Variants in FBXO31 observed in about 807,000 individuals in gnomAD.
FBXO31 encodes the protein F-box protein 31.
Under a neutral mutation model 54.4 loss-of-function variants are expected in FBXO31, and 24 were observed. That is an observed-to-expected ratio of 0.44 (90% CI 0.32 to 0.62). The LOEUF is 0.62. Ranked by LOEUF, FBXO31 falls within the 20% of genes least tolerant of loss-of-function variation. FBXO31 has a pLI of 0.05. For missense variants in FBXO31, 665 were observed against 787.1 expected (o/e 0.84, Z 1.86); for synonymous variants, 388 against 335.6 (o/e 1.16, Z -1.71).
At chr16:87,342,262 C>G (rs910107090) in intron 5 of FBXO31, among the ~76,000 whole-genome samples, 1 of 152,046 alleles carries the variant, frequency 6.6e-6, no homozygotes, top group African/African-American at 2.4e-5. Context: ...ACTATGTTGC[C>G]CAGGCTGGTT....
chr16:87,371,257 C>T (rs1365512325), intron 1 of FBXO31, among the ~76,000 whole-genome samples: 2 of 152,252 alleles, frequency 1.3e-5, no homozygotes, highest in Non-Finnish European at 2.9e-5. Context: ...TGACAGTAGC[C>T]ATGTGGACAG....
intron 8 of FBXO31, among the ~76,000 whole-genome samples, chr16:87,333,138 G>A (rs1307986958): frequency 3.3e-5 from 5 of 152,240 alleles, no homozygotes; most frequent in Non-Finnish European, 7.3e-5. Flanking sequence ...CAGCCTGAAC[G>A]GCAAGGGGCC....
At chr16:87,350,094 G>A (rs1360888828) in intron 2 of FBXO31, among the ~76,000 whole-genome samples, 1 of 152,092 alleles carries the variant, frequency 6.6e-6, no homozygotes, top group Non-Finnish European at 1.5e-5. Context: ...GAGTGAGCAT[G>A]TGTGACTGGA....
chr16:87,385,071 G>A (rs1436454984), upstream of FBXO31, among the ~76,000 whole-genome samples: 3 of 152,116 alleles, frequency 2.0e-5, no homozygotes, highest in Admixed American at 6.5e-5. Flanking sequence ...TGTAATTCTA[G>A]CACTTTGGGA....
chr16:87,364,201 ACTCCAC>A (rs1906256422), intron 1 of FBXO31, among the ~76,000 whole-genome samples: 1 of 152,054 alleles, frequency 6.6e-6, no homozygotes, highest in African/African-American at 2.4e-5. Flanking sequence ...GGCAACAGGG[ACTCCAC>A]CAGGCCATGG....
chr16:87,392,105 C>T (rs996149651), upstream of FBXO31: 13 of 267,532 alleles, frequency 4.9e-5, no homozygotes, highest in African/African-American at 2.9e-4. Flanking sequence ...AGGCGCCCAG[C>T]GGTGCTGGGC....
intron 1 of FBXO31, among the ~76,000 whole-genome samples, chr16:87,365,596 C>T (rs971957759): frequency 1.3e-5 from 2 of 152,204 alleles, no homozygotes; most frequent in African/African-American, 2.4e-5. Flanking sequence ...GAGCCCTGCA[C>T]GGGCTGTGAA....
At chr16:87,366,936 G>T (rs1227459038) in intron 1 of FBXO31, among the ~76,000 whole-genome samples, 1 of 152,202 alleles carries the variant, frequency 6.6e-6, no homozygotes, top group African/African-American at 2.4e-5. Flanking sequence ...CCAGCACTTT[G>T]GGAGGCCAAG....
intron 1 of FBXO31, among the ~76,000 whole-genome samples, chr16:87,389,377 C>T (rs1907436818): frequency 1.3e-5 from 2 of 152,138 alleles, no homozygotes; most frequent in African/African-American, 4.8e-5. Flanking sequence ...TAACCCTGGC[C>T]CATTACTACA....
At chr16:87,369,599 G>A (rs1202836457) in intron 1 of FBXO31, among the ~76,000 whole-genome samples, 3 of 152,262 alleles carry the variant, frequency 2.0e-5, no homozygotes, top group Admixed American at 6.5e-5. Flanking sequence ...GGATGGCTCC[G>A]CCTTTTGGCT....
intron 5 of FBXO31, among the ~76,000 whole-genome samples, chr16:87,342,185 C>T (rs1022623572): frequency 1.3e-5 from 2 of 152,164 alleles, no homozygotes; most frequent in African/African-American, 2.4e-5. Context: ...CTCACCTCAG[C>T]CTCCTGAGTA....
chr16:87,357,049 C>G (rs1304187428), intron 2 of FBXO31, among the ~76,000 whole-genome samples: 1 of 152,074 alleles, frequency 6.6e-6, no homozygotes, highest in Non-Finnish European at 1.5e-5. Context: ...AGTACAAGAC[C>G]AGCCTGGGCA....
At chr16:87,355,338 C>G (rs902667481) in intron 2 of FBXO31, among the ~76,000 whole-genome samples, 1 of 152,192 alleles carries the variant, frequency 6.6e-6, no homozygotes, top group Non-Finnish European at 1.5e-5. Flanking sequence ...CAGACTTTTC[C>G]GAAAGGTTTG....
At chr16:87,339,309 TG>T (rs1905122101) in intron 5 of FBXO31, among the ~76,000 whole-genome samples, 1 of 152,226 alleles carries the variant, frequency 6.6e-6, no homozygotes, top group Admixed American at 6.5e-5. Context: ...GCTCTCCTGG[TG>T]ACCTACCTGC....
At chr16:87,360,184 T>C (rs2150685776) in intron 2 of FBXO31, 111 bp downstream of exon 2, 1 of 981,428 alleles carries the variant, frequency 1.0e-6, no homozygotes, top group East Asian at 2.4e-5. Context: ...TAAGATGGTG[T>C]CTGAGAAAAC....
At chr16:87,373,705 T>C (rs1345441308) in intron 1 of FBXO31, among the ~76,000 whole-genome samples, 1 of 152,014 alleles carries the variant, frequency 6.6e-6, no homozygotes, top group African/African-American at 2.4e-5. Context: ...AAAGCCAAGT[T>C]TTAAACCACT....
At position 87,335,499 on chromosome 16, in the gene FBXO31, C is replaced by G; in HGVS notation, c.843-42G>C. 6.3e-7 allele frequency: 1 copy of G among 1,578,404 alleles called. No homozygotes were observed. Among genetic ancestry groups the G allele is most frequent in the Non-Finnish European group, 8.6e-7 (1 of 1,161,596 alleles). On this transcript the variant is annotated intron_variant, in intron 6 of 8. Transcript: ENST00000311635. This position sits in a 1 kb window ranked among gnomAD's most constrained non-coding sequence, Gnocchi z 5.7. ...GGTCAGTACAGGAGACCTCGTGGGG[C>G]AGGCAGGACTGAGAACGCCCAAGGT...
At chr16:87,350,786 T>C (rs1344072765) in intron 2 of FBXO31, among the ~76,000 whole-genome samples, 1 of 151,836 alleles carries the variant, frequency 6.6e-6, no homozygotes, top group Non-Finnish European at 1.5e-5. Flanking sequence ...GCTCCCGCTT[T>C]AAGTGCTAGG....
rs192942931 is a variant in FBXO31 at position 87,372,478 on chromosome 16, C to T, written c.340+10927G>A. Among the ~76,000 whole-genome samples, 753 of 152,280 alleles carry T rather than the reference C, an allele frequency of 4.9e-3. 5 individuals carry two copies. The highest frequency in any genetic ancestry group is 0.017 in the African/African-American group (715 of 41,550). ...TGGTGTTGCTACTGCCTGGACAGTG[C>T]GTTTATCCAGCTGCCCACCCGCCAC... On this transcript the variant is annotated intron_variant, in intron 1 of 8. Transcript: ENST00000311635.
Sources: allele counts gnomAD v4.1 joint callset (sites outside exome capture counted in the v4.1 genomes callset), GRCh38; gene constraint gnomAD v4.1.1; non-coding constraint Gnocchi (gnomAD v3.1); transcripts MANE v1.5; gene names NCBI Gene and HGNC (gene_info 2026-07-23, HGNC 2026-07-21).